Variants in ARHGAP32 observed in about 807,000 individuals in gnomAD.
The protein encoded by ARHGAP32 is Rho GTPase activating protein 32, also known as rho GTPase-activating protein 32.
In ARHGAP32, 51 loss-of-function variants were observed where a neutral mutation model predicts 186.5. The observed-to-expected ratio is 0.27, with a 90% CI of 0.22 to 0.35. The LOEUF (loss-of-function observed/expected upper bound fraction) is 0.35. ARHGAP32 is among the 10% of genes least tolerant of loss of function. The pLI is 1.00. For synonymous variants in ARHGAP32, 950 were observed against 964.3 expected, an observed-to-expected ratio of 0.99 and a Z score of 0.27; for missense variants, 2,186 against 2,623.5, an observed-to-expected ratio of 0.83 and a Z score of 3.64.
Position 128,968,165 on chromosome 11 carries a change from T to C in ARHGAP32, c.*742A>G, listed in dbSNP as rs1945261155. On this transcript the variant is annotated 3_prime_UTR_variant, in exon 23 of 23. Coordinates refer to ENST00000682385, the MANE Select transcript of ARHGAP32 (RefSeq NM_001378024.1). Reference sequence around the variant, plus strand: ...AGAAGTTTCCTTAAGTACTAACTTTTAAAAGTCCATTCTGTCATGATATGA... The same window carrying C: ...AGAAGTTTCCTTAAGTACTAACTTTCAAAAGTCCATTCTGTCATGATATGA... The C allele has an allele frequency of 6.6e-6, 1 of 152,086 alleles. No individual in the cohort carries two copies. 9.4% of individuals were successfully genotyped at this position (152,086 alleles called of 1,614,324 possible).
At chr11:128,973,471 T>C in intron 21 of ARHGAP32, 39 bp from the exon 22 acceptor site, 2 of 1,597,272 alleles carry the variant, frequency 1.3e-6, no homozygotes, top group Non-Finnish European at 1.7e-6. Context: ...AGTGAAAAGG[T>C]AGCTTACGTT....
intron 1 of ARHGAP32, among the ~76,000 whole-genome samples, chr11:129,181,240 G>C (rs554083994): frequency 6.6e-6 from 1 of 152,244 alleles, no homozygotes; most frequent in South Asian, 2.1e-4. Context: ...ACAATGGCTG[G>C]AAGTCCATTT....
intron 1 of ARHGAP32, among the ~76,000 whole-genome samples, chr11:129,237,817 C>G (rs1944956074): frequency 1.3e-5 from 2 of 152,122 alleles, no homozygotes; most frequent in Non-Finnish European, 2.9e-5. Context: ...GAACATGACT[C>G]TCCTTACACT....
intron 11 of ARHGAP32, among the ~76,000 whole-genome samples, chr11:129,040,065 G>A (rs2135017854): frequency 6.6e-6 from 1 of 152,190 alleles, no homozygotes; most frequent in Admixed American, 6.5e-5. Context: ...AGCAAAGATT[G>A]TTGGATGTAA....
At chr11:129,073,928 A>T (rs1482362072) in intron 6 of ARHGAP32, among the ~76,000 whole-genome samples, 1 of 152,200 alleles carries the variant, frequency 6.6e-6, no homozygotes, top group Non-Finnish European at 1.5e-5. Flanking sequence ...AAGAGAGTAG[A>T]GTAAATGTTT....
intron 11 of ARHGAP32, among the ~76,000 whole-genome samples, chr11:129,003,572 T>C (rs1937623684): frequency 6.6e-6 from 1 of 152,224 alleles, no homozygotes; most frequent in South Asian, 2.1e-4. Flanking sequence ...TTGTTATTGG[T>C]CTGTTCAGGT....
At chr11:129,241,443 G>C (rs1565477992) in intron 1 of ARHGAP32, among the ~76,000 whole-genome samples, 3 of 152,094 alleles carry the variant, frequency 2.0e-5, no homozygotes. Context: ...AAGAAGTCAA[G>C]ACCAGCCTGG....
intron 10 of ARHGAP32, among the ~76,000 whole-genome samples, chr11:129,047,710 G>A (rs554768496): frequency 1.3e-5 from 2 of 151,972 alleles, no homozygotes; most frequent in South Asian, 4.2e-4. Flanking sequence ...CCCCACTCCC[G>A]AAACATGCTT....
chr11:128,985,043 T>G (rs1052482464), intron 15 of ARHGAP32, among the ~76,000 whole-genome samples: 1 of 152,140 alleles, frequency 6.6e-6, no homozygotes, highest in African/African-American at 2.4e-5. Context: ...TTTTTTTAAA[T>G]GGAGTCTCGC....
intron 10 of ARHGAP32, among the ~76,000 whole-genome samples, chr11:129,045,278 C>T (rs1939762895): frequency 2.0e-5 from 3 of 152,188 alleles, no homozygotes; most frequent in Non-Finnish European, 4.4e-5. Context: ...CTGTCGTGGT[C>T]ATCACTTGAC....
At chr11:129,069,137 A>G (rs1940790740) in intron 6 of ARHGAP32, among the ~76,000 whole-genome samples, 1 of 152,078 alleles carries the variant, frequency 6.6e-6, no homozygotes, top group Non-Finnish European at 1.5e-5. Flanking sequence ...CAGCACAGCA[A>G]GCACAAGTTT....
At chr11:129,129,489 G>T (rs1565436735) in intron 2 of ARHGAP32, among the ~76,000 whole-genome samples, 1 of 152,214 alleles carries the variant, frequency 6.6e-6, no homozygotes, top group Non-Finnish European at 1.5e-5. Flanking sequence ...CCCCGTCTGG[G>T]AAGTGAGGAG....
Position 129,158,778 on chromosome 11 carries a change from C to A in ARHGAP32, c.225+5541G>T, listed in dbSNP as rs542336889. Among the ~76,000 whole-genome samples the A allele has an allele frequency of 1.2e-3, 177 of 152,224 alleles. 1 individual carries two copies. Among genetic ancestry groups the A allele is most frequent in the Non-Finnish European group, 2.1e-3 (141 of 68,014 alleles). On this transcript the variant is annotated intron_variant, in intron 2 of 22. Coordinates refer to ENST00000682385, the MANE Select transcript of ARHGAP32 (RefSeq NM_001378024.1). ...CTATACATTCTTCTCAGCACCATAT[C>A]GCATGTATTCTAAAACTGACCACAT...
chr11:129,207,426 C>T (rs1373134574), intron 1 of ARHGAP32, among the ~76,000 whole-genome samples: 1 of 152,168 alleles, frequency 6.6e-6, no homozygotes, highest in African/African-American at 2.4e-5. Context: ...TTAATGATCG[C>T]CATTCTAACT....
intron 10 of ARHGAP32, among the ~76,000 whole-genome samples, chr11:129,045,953 A>G (rs1939789106): frequency 6.6e-6 from 1 of 152,242 alleles, no homozygotes. Context: ...TCTTGAAAAG[A>G]GGAGACCTCC....
At chr11:129,050,522 A>G (rs892369333) in intron 10 of ARHGAP32, among the ~76,000 whole-genome samples, 3 of 152,150 alleles carry the variant, frequency 2.0e-5, no homozygotes, top group African/African-American at 7.2e-5. Flanking sequence ...AGTTCTTTGT[A>G]TGTTCTGATA....
chr11:129,260,272 T>A (rs1256428818), intron 1 of ARHGAP32, among the ~76,000 whole-genome samples: 1 of 152,152 alleles, frequency 6.6e-6, no homozygotes, highest in Non-Finnish European at 1.5e-5. Flanking sequence ...CAAACACAAA[T>A]AACATCACTG....
chr11:129,217,272 T>C (rs1944660015), intron 1 of ARHGAP32, among the ~76,000 whole-genome samples: 1 of 152,178 alleles, frequency 6.6e-6, no homozygotes, highest in Non-Finnish European at 1.5e-5. Flanking sequence ...TTGTTAGCTA[T>C]TGTTATAAGT....
At chr11:129,004,708 A>G (rs1386600205) in intron 11 of ARHGAP32, among the ~76,000 whole-genome samples, 2 of 152,076 alleles carry the variant, frequency 1.3e-5, no homozygotes, top group East Asian at 1.9e-4. Flanking sequence ...TTTGGTTTCC[A>G]TTGACATGGA....
Sources: gnomAD v4.1 joint callset for allele counts (sites outside exome capture counted in the v4.1 genomes callset) on GRCh38, gnomAD v4.1.1 for gene constraint, MANE v1.5 for transcripts, NCBI Gene and HGNC (gene_info 2026-07-23, HGNC 2026-07-21) for gene names.